Variants in FAM184A observed in about 807,000 individuals in gnomAD.
The protein encoded by FAM184A is family with sequence similarity 184 member A.
FAM184A carries 99 observed loss-of-function variants against 143.8 expected under a neutral mutation model. The ratio of observed to expected loss-of-function variants is 0.69; its 90% CI spans 0.58 to 0.81. The LOEUF (loss-of-function observed/expected upper bound fraction) is 0.81, where lower values mean the gene tolerates loss of function less well. FAM184A is among the 40% of genes least tolerant of loss of function. The pLI, the probability that FAM184A is intolerant of heterozygous loss-of-function variation, is 0.00. For missense variants in FAM184A, 1,217 were observed against 1,310.5 expected (o/e 0.93, Z 1.10); for synonymous variants, 427 against 446.4 (o/e 0.96, Z 0.55).
chr6:118,972,883 T>C (rs1039282088), intron 14 of FAM184A, among the ~76,000 whole-genome samples: 1 of 152,154 alleles, frequency 6.6e-6, no homozygotes, highest in Non-Finnish European at 1.5e-5. Flanking sequence ...TGAGGTCTAT[T>C]GTAAATCATT....
intron 1 of FAM184A, among the ~76,000 whole-genome samples, chr6:119,147,254 G>A (rs905399938): frequency 1.3e-5 from 2 of 152,024 alleles, no homozygotes; most frequent in Non-Finnish European, 2.9e-5. Flanking sequence ...GTGGCTGGAA[G>A]AGGGTTTAGC....
At position 119,024,550 on chromosome 6, in the gene FAM184A, A is replaced by G. The variant is rs759386327; in HGVS notation, c.423T>C (p.Leu141=). 2 of 1,614,086 alleles carry G rather than the reference A, an allele frequency of 1.2e-6. No homozygotes were observed. The highest frequency in any genetic ancestry group is 1.7e-6 in the Non-Finnish European group (2 of 1,180,018). The change falls in exon 2 of 18, where the codon CTT becomes CTC. Residue 141 remains leucine (L), a synonymous_variant. Coordinates refer to ENST00000338891, the MANE Select transcript of FAM184A (RefSeq NM_024581.6). ...GTTGGACATGCTGGGCTTCTGCACA[A>G]AGTTGCATGTCCTCAACTCTGTGCT... ...AYKHRVEDMQ[L]CAEAQHVQRI...
chr6:119,147,394 G>C (rs1772485077), intron 1 of FAM184A, among the ~76,000 whole-genome samples: 1 of 152,020 alleles, frequency 6.6e-6, no homozygotes, highest in Non-Finnish European at 1.5e-5. Context: ...GGGGCCTTTT[G>C]CCAATTCCAA....
chr6:119,061,558 T>G (rs1003506570), intron 1 of FAM184A, among the ~76,000 whole-genome samples: 3 of 134,484 alleles, frequency 2.2e-5, no homozygotes, highest in Non-Finnish European at 3.3e-5. Context: ...TTTTTTTTTT[T>G]GTAGAGATGA....
At chr6:119,079,738 T>G (rs983036213), upstream of FAM184A, among the ~76,000 whole-genome samples, 14 of 152,192 alleles carry the variant, frequency 9.2e-5, no homozygotes, top group African/African-American at 3.4e-4. Flanking sequence ...CTGAGAATAT[T>G]AACAAACTAG....
intron 3 of FAM184A, among the ~76,000 whole-genome samples, chr6:119,022,239 A>G (rs1013106356): frequency 6.6e-6 from 1 of 151,412 alleles, no homozygotes; most frequent in Non-Finnish European, 1.5e-5. Context: ...TGTTATTTTT[A>G]GTAGAGATGT....
intron 9 of FAM184A, among the ~76,000 whole-genome samples, chr6:118,985,320 A>G (rs1405666436): frequency 1.3e-5 from 2 of 152,250 alleles, no homozygotes; most frequent in African/African-American, 4.8e-5. Context: ...TCACATAGAG[A>G]AACAAACACC....
At chr6:119,019,298 C>T (rs1237372592) in intron 4 of FAM184A, among the ~76,000 whole-genome samples, 1 of 152,124 alleles carries the variant, frequency 6.6e-6, no homozygotes, top group Non-Finnish European at 1.5e-5. Flanking sequence ...ATATGATCCA[C>T]CAAGTCCACC....
chr6:119,124,401 A>G (rs1056176227), intron 1 of FAM184A, among the ~76,000 whole-genome samples: 5 of 152,182 alleles, frequency 3.3e-5, no homozygotes, highest in African/African-American at 1.2e-4. Flanking sequence ...CTTATAAGGC[A>G]TCTCTTAAAT....
chr6:119,065,715 T>G (rs920622612), intron 1 of FAM184A, among the ~76,000 whole-genome samples: 1 of 152,156 alleles, frequency 6.6e-6, no homozygotes, highest in Non-Finnish European at 1.5e-5. Flanking sequence ...TTCTCAAATC[T>G]CCTCCTCAGA....
At chr6:118,984,831 A>G (rs1205394341) in intron 9 of FAM184A, among the ~76,000 whole-genome samples, 1 of 152,240 alleles carries the variant, frequency 6.6e-6, no homozygotes, top group Middle Eastern at 3.2e-3. Flanking sequence ...TCATAAAGAC[A>G]GTTGCCTGTG....
At chr6:119,134,925 G>GT (rs1298165966) in intron 1 of FAM184A, among the ~76,000 whole-genome samples, 1 of 152,146 alleles carries the variant, frequency 6.6e-6, no homozygotes, top group Non-Finnish European at 1.5e-5. Flanking sequence ...CTATAACCAT[G>GT]TCCAGAAATT....
Position 119,006,526 on chromosome 6 carries a change from G to A in FAM184A, c.1736C>T (p.Ser579Phe), listed in dbSNP as rs1264284021. The A allele has an allele frequency of 1.9e-6, 3 of 1,613,996 alleles. No homozygotes were observed. The highest frequency in any genetic ancestry group is 2.5e-6 in the Non-Finnish European group (3 of 1,179,946). ...AEGLIASLQDSQERLQNELDL... is the reference protein window; with the variant it reads ...AEGLIASLQDFQERLQNELDL... ...AAGCTCATTCTGAAGCCTTTCCTGG[G>A]AGTCCTGAAGACTAGCAATAAGTCC... Residue 579 changes from serine to phenylalanine, a missense_variant, in exon 7 of 18, where the codon TCC becomes TTC. Transcript: ENST00000338891.
At chr6:119,023,200 T>G (rs1222384951) in intron 2 of FAM184A, 120 bp from the exon 3 acceptor site, 2 of 1,016,488 alleles carry the variant, frequency 2.0e-6, no homozygotes, top group Non-Finnish European at 2.8e-6. Flanking sequence ...ATATACCAAT[T>G]TTTAAATCTG....
chr6:118,967,099 A>T, intron 14 of FAM184A, 147 bp from the exon 15 acceptor site: 1 of 509,636 alleles, frequency 2.0e-6, no homozygotes, highest in Non-Finnish European at 3.5e-6. Flanking sequence ...GCATAATGAC[A>T]TGACTGCTTC....
chr6:119,120,819 TCTTTCTTC>T (rs761552656), intron 1 of FAM184A, among the ~76,000 whole-genome samples: 64 of 138,400 alleles, frequency 4.6e-4, no homozygotes, highest in Middle Eastern at 3.5e-3. Flanking sequence ...TTTCTTTCTT[TCTTTCTTC>T]CTTTCTTTCT....
chr6:118,976,104 A>T (rs1033775218), intron 11 of FAM184A, 60 bp from the exon 12 acceptor site: 4 of 1,514,760 alleles, frequency 2.6e-6, no homozygotes, highest in Admixed American at 2.1e-5. Context: ...AATACTTTAG[A>T]TAAAAATTAT....
At chr6:119,096,814 C>T (rs1055549753) in intron 1 of FAM184A, among the ~76,000 whole-genome samples, 3 of 152,142 alleles carry the variant, frequency 2.0e-5, no homozygotes, top group Non-Finnish European at 4.4e-5. Context: ...TACTTCCCCA[C>T]CCCCACTCCT....
intron 17 of FAM184A, chr6:118,961,001 T>TA: frequency 3.5e-6 from 1 of 282,036 alleles, no homozygotes; most frequent in South Asian, 3.9e-5. Flanking sequence ...TCACTTAGCC[T>TA]AAAAAAACCT....
Sources: gnomAD v4.1 joint callset for allele counts (sites outside exome capture counted in the v4.1 genomes callset) on GRCh38, gnomAD v4.1.1 for gene constraint, MANE v1.5 for transcripts, NCBI Gene and HGNC (gene_info 2026-07-23, HGNC 2026-07-21) for gene names.